ZNF138: variants seen among roughly 807,000 people sequenced by gnomAD.
ZNF138 encodes zinc finger protein 138 (clone pHZ-32).
In ZNF138, 33 loss-of-function variants were observed where a neutral mutation model predicts 33.0. The observed-to-expected ratio is 1.00, with a 90% CI of 0.76 to 1.34. The LOEUF is 1.34. Ranked by LOEUF, ZNF138 falls within the 40% of genes most tolerant of loss-of-function variation. The pLI is 0.00. For missense variants in ZNF138, 360 were observed against 370.8 expected (o/e 0.97, Z 0.24); for synonymous variants, 139 against 120.4 (o/e 1.15, Z -1.01).
At chr7:64,847,332 A>ATATATATATATATATT in the ZNF138 span, among the ~76,000 whole-genome samples, 2 of 128,140 alleles carry the variant, frequency 1.6e-5, no homozygotes, top group African/African-American at 3.0e-5. Flanking sequence ...ATATATATAT[A>ATATATATATATATATT]TTTTTTTTTT....
Position 64,831,673 on chromosome 7 carries a change from AT to A in ZNF138, c.432del (p.Tyr144Ter), listed in dbSNP as rs562147049. The A allele has an allele frequency of 3.7e-6, 6 of 1,608,848 alleles. No individual in the cohort carries two copies. In the African/African-American group the frequency reaches 8.0e-5, roughly 22 times the overall value. ...AGCAAAATATTTCAATGTAATAAATATGTAAAAGTCATGCATAAATTTTCAA... is the reference window on the plus strand; with the variant it reads ...AGCAAAATATTTCAATGTAATAAATAGTAAAAGTCATGCATAAATTTTCAA... ...TTSKIFQCNK[Y>X]VKVMHKFSNS... On this transcript the variant is annotated frameshift_variant, in exon 4 of 4. Transcript: ENST00000307355. LOFTEE classifies it high-confidence loss of function.
chr7:64,841,399 T>G, the ZNF138 span, among the ~76,000 whole-genome samples: 2 of 152,212 alleles, frequency 1.3e-5, no homozygotes, highest in Non-Finnish European at 2.9e-5. Flanking sequence ...ATGATGTTTT[T>G]TAATATATAA....
chr7:64,814,861 T>G, intron 1 of ZNF138, 57 bp from the exon 2 acceptor site: 1 of 1,604,294 alleles, frequency 6.2e-7, no homozygotes, highest in South Asian at 1.1e-5. Flanking sequence ...AATTTAAAAT[T>G]CTGCCCATGG....
intron 3 of ZNF138, among the ~76,000 whole-genome samples, chr7:64,825,241 C>T (rs1187492853): frequency 3.0e-5 from 4 of 134,362 alleles, no homozygotes; most frequent in Non-Finnish European, 6.1e-5. Flanking sequence ...GGCGCGATCT[C>T]GGCTCACTGC....
the ZNF138 span, among the ~76,000 whole-genome samples, chr7:64,845,377 G>T: frequency 6.6e-6 from 1 of 152,204 alleles, no homozygotes; most frequent in African/African-American, 2.4e-5. Flanking sequence ...AAATCATTCT[G>T]CTATAAACAT....
chr7:64,807,903 T>A (rs1360535360), intron 1 of ZNF138, among the ~76,000 whole-genome samples: 1 of 152,360 alleles, frequency 6.6e-6, no homozygotes, highest in Non-Finnish European at 1.5e-5. Context: ...TGACCACAAC[T>A]GTACCTACCC....
intron 1 of ZNF138, among the ~76,000 whole-genome samples, chr7:64,803,632 G>A (rs1487750489): frequency 6.6e-6 from 1 of 152,106 alleles, no homozygotes; most frequent in East Asian, 1.9e-4. Flanking sequence ...TTATACAGTA[G>A]TGTGAATATA....
At chr7:64,796,152 G>A (rs1786672268) in intron 1 of ZNF138, among the ~76,000 whole-genome samples, 1 of 152,216 alleles carries the variant, frequency 6.6e-6, no homozygotes, top group South Asian at 2.1e-4. Context: ...CGGCCCACTG[G>A]ATTCTCTAAG....
intron 1 of ZNF138, 25 bp from the exon 2 acceptor site, chr7:64,814,893 G>A (rs1788480054): frequency 6.2e-7 from 1 of 1,610,226 alleles, no homozygotes. Context: ...ATGTGTGTGT[G>A]TGTTTGTGTG....
chr7:64,828,980 AGT>A (rs1789866930), intron 3 of ZNF138, among the ~76,000 whole-genome samples: 1 of 152,018 alleles, frequency 6.6e-6, no homozygotes, highest in African/African-American at 2.4e-5. Flanking sequence ...TATGCTGAAG[AGT>A]GTGTTGTTTA....
At chr7:64,835,073 G>T (rs1790322985), downstream of ZNF138, among the ~76,000 whole-genome samples, 1 of 152,190 alleles carries the variant, frequency 6.6e-6, no homozygotes, top group African/African-American at 2.4e-5. Context: ...AGTGGGCAGG[G>T]TAGGGGCGGG....
At chr7:64,809,230 C>T (rs1199511518) in intron 1 of ZNF138, among the ~76,000 whole-genome samples, 2 of 89,612 alleles carry the variant, frequency 2.2e-5, no homozygotes, top group African/African-American at 8.3e-5. Context: ...CCCCCACCTC[C>T]CTCCCGGGTG....
chr7:64,826,494 G>A (rs188546811), intron 3 of ZNF138, among the ~76,000 whole-genome samples: 73 of 151,860 alleles, frequency 4.8e-4, no homozygotes, highest in Admixed American at 8.5e-4. Context: ...TTGGTCAGGC[G>A]GGTCTCAAAC....
At chr7:64,809,519 T>C (rs1294654645) in intron 1 of ZNF138, among the ~76,000 whole-genome samples, 12 of 326 alleles carry the variant, frequency 0.037, 2 homozygotes, top group African/African-American at 0.086. Context: ...CCTCCCAGGA[T>C]GGGGCGGCTG....
At chr7:64,845,769 G>A in the ZNF138 span, among the ~76,000 whole-genome samples, 1 of 152,096 alleles carries the variant, frequency 6.6e-6, no homozygotes, top group Non-Finnish European at 1.5e-5. Flanking sequence ...TTTTCGGTGA[G>A]ATTGTTTTTT....
chr7:64,814,801 C>A, intron 1 of ZNF138, 117 bp from the exon 2 acceptor site: 1 of 1,346,864 alleles, frequency 7.4e-7, no homozygotes, highest in East Asian at 2.5e-5. Flanking sequence ...TTCAGTCACT[C>A]CTGTAAGACA....
the ZNF138 span, among the ~76,000 whole-genome samples, chr7:64,859,446 A>G: frequency 6.6e-6 from 1 of 152,248 alleles, no homozygotes; most frequent in Non-Finnish European, 1.5e-5. Context: ...ACAATTCTCA[A>G]AAAACAGAAA....
At chr7:64,839,254 G>A in the ZNF138 span, among the ~76,000 whole-genome samples, 3 of 152,176 alleles carry the variant, frequency 2.0e-5, no homozygotes, top group Non-Finnish European at 4.4e-5. Flanking sequence ...AGTTGCTTTC[G>A]TTTTAAATCT....
chr7:64,852,649 G>T, the ZNF138 span: 1 of 1,410,518 alleles, frequency 7.1e-7, no homozygotes, highest in Non-Finnish European at 1.0e-6. Flanking sequence ...TCACCTCCTC[G>T]TAGGCCAGCT....
Sources: allele counts gnomAD v4.1 joint callset (sites outside exome capture counted in the v4.1 genomes callset), GRCh38; gene constraint gnomAD v4.1.1; transcripts MANE v1.5; gene names NCBI Gene and HGNC (gene_info 2026-07-23, HGNC 2026-07-21).